Variants in CRYBG3 observed in about 807,000 individuals in gnomAD.
CRYBG3 encodes crystallin beta-gamma domain containing 3.
CRYBG3 carries 127 observed loss-of-function variants against 244.2 expected under a neutral mutation model. That is an observed-to-expected ratio of 0.52 (90% confidence interval 0.45 to 0.60). The LOEUF is 0.60. CRYBG3 is among the 20% of genes least tolerant of loss of function. CRYBG3 has a pLI of 0.00. For missense variants in CRYBG3, 3,325 were observed against 3,442.5 expected, an observed-to-expected ratio of 0.97 and a Z score of 0.85; for synonymous variants, 1,132 against 1,195.8, an observed-to-expected ratio of 0.95 and a Z score of 1.10.
At chr3:97,923,657 A>C (rs2040008960) in intron 17 of CRYBG3, among the ~76,000 whole-genome samples, 1 of 152,136 alleles carries the variant, frequency 6.6e-6, no homozygotes, top group African/African-American at 2.4e-5. Context: ...TGTAAATGAT[A>C]AATTATTAGG....
At chr3:97,834,892 C>T (rs1411209232) in intron 1 of CRYBG3, among the ~76,000 whole-genome samples, 6 of 152,082 alleles carry the variant, frequency 3.9e-5, no homozygotes, top group African/African-American at 1.4e-4. Flanking sequence ...GTAATATTTG[C>T]TTTTACAAAA....
intron 11 of CRYBG3, 68 bp from the exon 12 acceptor site, chr3:97,895,891 T>A: frequency 7.0e-6 from 10 of 1,435,858 alleles, no homozygotes; most frequent in Non-Finnish European, 9.6e-6. Context: ...TTATCTTGAT[T>A]GTCTCTGTTT....
chr3:97,906,886 CATAG>C (rs2039781129), intron 15 of CRYBG3, among the ~76,000 whole-genome samples: 1 of 149,404 alleles, frequency 6.7e-6, no homozygotes. Flanking sequence ...GTGGGTTTGT[CATAG>C]ATAGCTCTTA....
intron 15 of CRYBG3, among the ~76,000 whole-genome samples, chr3:97,904,017 G>A (rs1654543002): frequency 6.6e-6 from 1 of 152,136 alleles, no homozygotes; most frequent in Admixed American, 6.6e-5. Flanking sequence ...AGCAACCTGA[G>A]TTGTTTTGTA....
intron 7 of CRYBG3, among the ~76,000 whole-genome samples, chr3:97,881,881 C>A (rs2039453225): frequency 6.7e-6 from 1 of 148,710 alleles, no homozygotes; most frequent in Non-Finnish European, 1.5e-5. Context: ...TAGTATGCTA[C>A]TGCTCCTACT....
chr3:97,868,856 T>G (rs920198844), intron 3 of CRYBG3, among the ~76,000 whole-genome samples: 23 of 152,188 alleles, frequency 1.5e-4, no homozygotes, highest in African/African-American at 2.4e-5. Context: ...TTTACTATAC[T>G]AGAATGAATT....
intron 15 of CRYBG3, among the ~76,000 whole-genome samples, chr3:97,907,977 T>G (rs2108246660): frequency 6.6e-6 from 1 of 152,304 alleles, no homozygotes; most frequent in South Asian, 2.1e-4. Flanking sequence ...AAAGAACATC[T>G]TTATTTCTGC....
intron 17 of CRYBG3, among the ~76,000 whole-genome samples, chr3:97,918,596 C>T (rs183409093): frequency 6.6e-6 from 1 of 152,228 alleles, no homozygotes; most frequent in African/African-American, 2.4e-5. Context: ...TTCACAAGGT[C>T]AGAAGGAATA....
intron 15 of CRYBG3, among the ~76,000 whole-genome samples, chr3:97,910,026 C>T (rs1410722609): frequency 6.6e-6 from 1 of 151,698 alleles, no homozygotes; most frequent in Non-Finnish European, 1.5e-5. Flanking sequence ...GTCAGTGTGC[C>T]CCTGCCTGGG....
Position 97,873,795 on chromosome 3 carries a change from A to G in CRYBG3, c.2601A>G (p.Pro867=). 1 of 1,532,656 alleles carries G rather than the reference A, an allele frequency of 6.5e-7. No individual in the cohort carries two copies. Among genetic ancestry groups the G allele is most frequent in the African/African-American group, 1.4e-5 (1 of 72,838 alleles). The allele number at this position is 1,532,656 out of a possible 1,614,324, so 94.9% of individuals were successfully genotyped here. ...TTCCATTGAAAATTACCCATGTTCC[A>G]GAAAAGCCTATTTTGTCAGAATTAA... The part of the protein sequence containing the change: ...SSFPLKITHV[P]EKPILSELTF... The change falls in exon 4 of 22, where the codon CCA becomes CCG. Residue 867 remains proline, a synonymous_variant. Transcript: ENST00000389622.
chr3:97,858,139 G>T (rs759392591), intron 2 of CRYBG3, among the ~76,000 whole-genome samples: 2 of 146,782 alleles, frequency 1.4e-5, no homozygotes, highest in Non-Finnish European at 3.0e-5. Context: ...CTGAGGGATA[G>T]CTTTGCTGGG....
chr3:97,877,874 C>G lies in CRYBG3; in HGVS notation c.6680C>G (p.Ser2227Cys). ...TTTCTCCAGAAATCTGACCTTACTT[C>G]TAAACTACATTCTTCTTTAAAGAGT... Reference protein sequence around the residue: ...TSFLQKSDLTSKLHSSLKSAY... With the variant: ...TSFLQKSDLTCKLHSSLKSAY... The change falls in exon 4 of 22, where the codon TCT becomes TGT. Residue 2227 changes from serine (S) to cysteine (C), a missense_variant. By Grantham distance (112) the Ser-to-Cys change is moderately radical (BLOSUM62 -1). This residue lies in a region of CRYBG3 where 450 missense variants were observed against 424.1 expected (regional missense o/e 1.06). Coordinates refer to ENST00000389622, the MANE Select transcript of CRYBG3 (RefSeq NM_153605.4). 1 of 1,614,090 alleles carries G rather than the reference C, an allele frequency of 6.2e-7. No individual in the cohort carries two copies. Among genetic ancestry groups the G allele is most frequent in the Non-Finnish European group, 8.5e-7 (1 of 1,180,010 alleles).
intron 19 of CRYBG3, among the ~76,000 whole-genome samples, chr3:97,937,560 C>G (rs1349743374): frequency 6.6e-6 from 1 of 152,050 alleles, no homozygotes; most frequent in African/African-American, 2.4e-5. Flanking sequence ...AATGCCTCCC[C>G]CACCTTCTCT....
chr3:97,884,062 A>AT (rs2039481116), intron 7 of CRYBG3, among the ~76,000 whole-genome samples: 1 of 152,166 alleles, frequency 6.6e-6, no homozygotes, highest in South Asian at 2.1e-4. Context: ...TTAGTTACGT[A>AT]TTTTGTTACT....
rs959483232 is a variant in CRYBG3 at position 97,855,267 on chromosome 3, T to A, written c.217-8950T>A. 2.6e-5 allele frequency among the ~76,000 whole-genome samples: 4 copies of A among 152,118 alleles called. No homozygotes were observed. In the East Asian group the frequency reaches 7.7e-4, roughly 29 times the overall value. On this transcript the variant is annotated intron_variant, in intron 2 of 21. Transcript: ENST00000389622. ...TATTTTATTGGAGATTTTTGCATCT[T>A]GTTATTCTAGGGTAATGGCCTGTAG... is the stretch of plus-strand genomic sequence containing the variant.
Position 97,822,364 on chromosome 3 carries a change from C to A in CRYBG3, c.149+9C>A. On this transcript the variant is annotated intron_variant, in intron 1 of 21. Coordinates refer to ENST00000389622, the MANE Select transcript of CRYBG3 (RefSeq NM_153605.4). The stretch of plus-strand genomic sequence containing the variant: ...GGCCGGTCCGCTGCCAGGTGGGAGT[C>A]GAGGAGGGGGTCGCGGGGGGGCCCT... The A allele has an allele frequency of 6.7e-7, 1 of 1,492,062 alleles. No homozygotes were observed. 92.4% of individuals were successfully genotyped at this position (1,492,062 alleles called of 1,614,324 possible).
chr3:97,836,656 A>G (rs552678699), intron 1 of CRYBG3, among the ~76,000 whole-genome samples: 5 of 152,244 alleles, frequency 3.3e-5, no homozygotes, highest in South Asian at 4.1e-4. Flanking sequence ...TGTAGATCCC[A>G]TGGCTTGAGC....
Position 97,877,299 on chromosome 3 carries a change from T to C in CRYBG3, c.6105T>C (p.Pro2035=). 1 of 1,614,110 alleles carries C rather than the reference T, an allele frequency of 6.2e-7. No homozygotes were observed. The highest frequency in any genetic ancestry group is 8.5e-7 in the Non-Finnish European group (1 of 1,179,982). The change falls in exon 4 of 22, where the codon CCT becomes CCC. Residue 2035 remains proline, a synonymous_variant. Coordinates refer to ENST00000389622, the MANE Select transcript of CRYBG3 (RefSeq NM_153605.4). ...LFHDTSADSM[P]VLACERSESR... ...ATGATACGTCCGCTGACAGCATGCC[T>C]GTTCTGGCATGTGAAAGGTCTGAGA... is the stretch of plus-strand genomic sequence containing the variant.
At chr3:97,915,757 A>G (rs377358090) in intron 17 of CRYBG3, 21 bp downstream of exon 17, 4 of 1,580,114 alleles carry the variant, frequency 2.5e-6, no homozygotes, top group Non-Finnish European at 3.5e-6. Context: ...TGCAAAATGC[A>G]TACTTATAAG....
Sources: allele counts gnomAD v4.1 joint callset (sites outside exome capture counted in the v4.1 genomes callset), GRCh38; gene constraint gnomAD v4.1.1; regional missense constraint gnomAD v4.1.1; transcripts MANE v1.5; gene names NCBI Gene and HGNC (gene_info 2026-07-23, HGNC 2026-07-21).